Variants in ME3 observed in about 807,000 individuals in gnomAD.
ME3 encodes the protein NADP-dependent malic enzyme, mitochondrial.
A neutral mutation model predicts 68.9 loss-of-function variants in ME3; 48 were observed. The ratio of observed to expected loss-of-function variants is 0.70; its 90% CI spans 0.55 to 0.89. ME3 has a LOEUF of 0.89. ME3 is among the 40% of genes least tolerant of loss of function. ME3 has a pLI of 0.00. For synonymous variants in ME3, 320 were observed against 318.8 expected (o/e 1.00, Z -0.04); for missense variants, 675 against 797.4 (o/e 0.85, Z 1.85).
At chr11:86,474,239 AC>A (rs1293282157) in intron 7 of ME3, among the ~76,000 whole-genome samples, 1 of 152,206 alleles carries the variant, frequency 6.6e-6, no homozygotes, top group Non-Finnish European at 1.5e-5. Flanking sequence ...TTGACTCGCA[AC>A]ATAGTCACAG....
At chr11:86,661,831 AGTATTGTATT>A (rs57724567) in intron 2 of ME3, among the ~76,000 whole-genome samples, 46,263 of 149,862 alleles carry the variant, frequency 0.31, 7,507 homozygotes, top group Middle Eastern at 0.42. Context: ...TTCAAGGCAG[AGTATTGTATT>A]GTATTGTATT....
At chr11:86,528,613 A>T (rs564090749) in intron 4 of ME3, among the ~76,000 whole-genome samples, 2 of 152,142 alleles carry the variant, frequency 1.3e-5, no homozygotes, top group Admixed American at 6.5e-5. Context: ...GAAGTAAAGC[A>T]CTCCTCAGCA....
At chr11:86,536,602 G>C (rs1325091024) in intron 4 of ME3, among the ~76,000 whole-genome samples, 3 of 144,132 alleles carry the variant, frequency 2.1e-5, no homozygotes, top group Non-Finnish European at 4.5e-5. Context: ...TCTCACACCA[G>C]TTAGAATGGC....
chr11:86,545,636 T>G (rs1162519690), intron 4 of ME3, among the ~76,000 whole-genome samples: 1 of 152,112 alleles, frequency 6.6e-6, no homozygotes, highest in African/African-American at 2.4e-5. Context: ...CAAGGGGAAC[T>G]AAAAACCACT....
chr11:86,599,592 T>C (rs1294428140), intron 2 of ME3, among the ~76,000 whole-genome samples: 1 of 152,054 alleles, frequency 6.6e-6, no homozygotes, highest in East Asian at 1.9e-4. Context: ...ATTCAGGAAA[T>C]ACAGAGAACA....
chr11:86,643,316 A>AC (rs5793209), intron 2 of ME3, among the ~76,000 whole-genome samples: 138,408 of 152,070 alleles, frequency 0.91, 63,074 homozygotes, highest in Middle Eastern at 0.96. Context: ...CATGCCCCCT[A>AC]CCCATGACTT....
intron 4 of ME3, among the ~76,000 whole-genome samples, chr11:86,523,955 A>G (rs528676661): frequency 1.1e-4 from 17 of 152,234 alleles, no homozygotes; most frequent in Non-Finnish European, 2.2e-4. Context: ...GTTACTTAGA[A>G]TATTAAAATG....
intron 2 of ME3, among the ~76,000 whole-genome samples, chr11:86,599,327 A>C (rs907717060): frequency 6.6e-6 from 1 of 152,242 alleles, no homozygotes; most frequent in African/African-American, 2.4e-5. Flanking sequence ...GAGCCGATGC[A>C]ATCAACTGGA....
rs138820479 is a variant in ME3, at chr11:86,598,000, A to G, written c.184-38177T>C. Among the ~76,000 whole-genome samples, 517 of 152,244 alleles carry G rather than the reference A, an allele frequency of 3.4e-3. 7 individuals are homozygous for G. The highest frequency in any genetic ancestry group is 0.012 in the African/African-American group (487 of 41,566). ...GGCCGAATAGGAACAGTTCTGGTCTACAGCTCCCAGCATGAGCCATGCAGA... is the reference window on the plus strand; with the variant it reads ...GGCCGAATAGGAACAGTTCTGGTCTGCAGCTCCCAGCATGAGCCATGCAGA... On this transcript the variant is annotated intron_variant, in intron 2 of 14. Transcript: ENST00000543262.
At chr11:86,541,928 C>T (rs1451624134) in intron 4 of ME3, among the ~76,000 whole-genome samples, 1 of 152,132 alleles carries the variant, frequency 6.6e-6, no homozygotes, top group Non-Finnish European at 1.5e-5. Flanking sequence ...GGTGGTTGCC[C>T]CTCTGGGATG....
chr11:86,461,851 A>G (rs983932271), intron 8 of ME3, among the ~76,000 whole-genome samples: 3 of 152,228 alleles, frequency 2.0e-5, no homozygotes, highest in African/African-American at 7.2e-5. Context: ...GGCTCCTGCC[A>G]TTCCAGCACT....
chr11:86,617,057 T>TG (rs1317587189), intron 2 of ME3, among the ~76,000 whole-genome samples: 3 of 136,056 alleles, frequency 2.2e-5, no homozygotes, highest in African/African-American at 5.4e-5. Flanking sequence ...TTTTTTTTTT[T>TG]TTTTTTTTTT....
chr11:86,530,889 A>G (rs908650477), intron 4 of ME3, among the ~76,000 whole-genome samples: 51 of 109,860 alleles, frequency 4.6e-4, no homozygotes, highest in Admixed American at 1.3e-3. Flanking sequence ...CTAAAGCCAT[A>G]AAAACCCTAG....
intron 2 of ME3, among the ~76,000 whole-genome samples, chr11:86,608,996 A>G (rs970540330): frequency 6.6e-6 from 1 of 152,248 alleles, no homozygotes; most frequent in Non-Finnish European, 1.5e-5. Flanking sequence ...CACTGTGTAA[A>G]CACTTTACTG....
chr11:86,534,473 G>C (rs947235401), intron 4 of ME3, among the ~76,000 whole-genome samples: 1 of 151,948 alleles, frequency 6.6e-6, no homozygotes, highest in Non-Finnish European at 1.5e-5. Context: ...TCAGGCATTC[G>C]AGACCAGCCT....
intron 2 of ME3, among the ~76,000 whole-genome samples, chr11:86,631,889 T>G (rs928002980): frequency 6.6e-6 from 1 of 152,154 alleles, no homozygotes; most frequent in Admixed American, 6.5e-5. Flanking sequence ...CCCACCATCA[T>G]GACCGGCTAA....
At chr11:86,636,078 G>C (rs145914239) in intron 2 of ME3, among the ~76,000 whole-genome samples, 1 of 152,278 alleles carries the variant, frequency 6.6e-6, no homozygotes, top group Non-Finnish European at 1.5e-5. Flanking sequence ...AAGGGTCCTA[G>C]AAAGAAACCT....
intron 2 of ME3, among the ~76,000 whole-genome samples, chr11:86,562,534 C>T (rs1347652725): frequency 6.6e-6 from 1 of 152,196 alleles, no homozygotes. Context: ...TGTTGCTCTA[C>T]ATCCTCTCCA....
intron 2 of ME3, among the ~76,000 whole-genome samples, chr11:86,642,256 G>C (rs1944715586): frequency 6.6e-6 from 1 of 152,066 alleles, no homozygotes; most frequent in South Asian, 2.1e-4. Flanking sequence ...GTTTTCCATG[G>C]GACTAAGAAA....
Sources: gnomAD v4.1 joint callset for allele counts (sites outside exome capture counted in the v4.1 genomes callset) on GRCh38, gnomAD v4.1.1 for gene constraint, MANE v1.5 for transcripts, NCBI Gene and HGNC (gene_info 2026-07-23, HGNC 2026-07-21) for gene names.